RORA: variants seen among roughly 807,000 people sequenced by gnomAD.
The protein encoded by RORA is nuclear receptor ROR-alpha.
In RORA, 7 loss-of-function variants were observed where a neutral mutation model predicts 69.5. The ratio of observed to expected loss-of-function variants is 0.10; its 90% CI spans 0.06 to 0.19. The LOEUF (loss-of-function observed/expected upper bound fraction) is 0.19. Ranked by LOEUF, RORA falls within the 10% of genes least tolerant of loss-of-function variation. RORA has a pLI of 1.00. For missense variants in RORA, 457 were observed against 663.0 expected, an observed-to-expected ratio of 0.69 and a Z score of 3.41; for synonymous variants, 261 against 240.8, an observed-to-expected ratio of 1.08 and a Z score of -0.78.
chr15:61,145,037 C>G (rs776577707), intron 1 of RORA, among the ~76,000 whole-genome samples: 1 of 152,146 alleles, frequency 6.6e-6, no homozygotes, highest in African/African-American at 2.4e-5. Flanking sequence ...GTATACGCCT[C>G]TATCTAAAAG....
chr15:60,800,663 G>A (rs2072566881), intron 1 of RORA, among the ~76,000 whole-genome samples: 1 of 152,104 alleles, frequency 6.6e-6, no homozygotes, highest in Non-Finnish European at 1.5e-5. Context: ...CGAGTGTCCT[G>A]GCTATAGACC....
intron 1 of RORA, among the ~76,000 whole-genome samples, chr15:60,810,168 T>C (rs2072721610): frequency 6.6e-6 from 1 of 152,178 alleles, no homozygotes; most frequent in African/African-American, 2.4e-5. Flanking sequence ...AGCTAACATT[T>C]TGGAGACCAC....
At chr15:60,817,593 G>T (rs2072835707) in intron 1 of RORA, among the ~76,000 whole-genome samples, 1 of 152,176 alleles carries the variant, frequency 6.6e-6, no homozygotes, top group African/African-American at 2.4e-5. Flanking sequence ...TGTTTCTTCA[G>T]TAACACCAGG....
chr15:60,509,642 A>G (rs752777862), intron 5 of RORA, among the ~76,000 whole-genome samples: 14 of 152,206 alleles, frequency 9.2e-5, no homozygotes, highest in Non-Finnish European at 1.8e-4. Context: ...AGGCAAACCT[A>G]AAGTGAGTCA....
At chr15:60,804,840 A>G (rs1465339071) in intron 1 of RORA, among the ~76,000 whole-genome samples, 1 of 152,352 alleles carries the variant, frequency 6.6e-6, no homozygotes, top group Non-Finnish European at 1.5e-5. Context: ...CAACTCTGTG[A>G]TAATAGCTCT....
chr15:61,119,420 A>G (rs1400936116), intron 1 of RORA, among the ~76,000 whole-genome samples: 1 of 142,774 alleles, frequency 7.0e-6, no homozygotes, highest in Non-Finnish European at 1.5e-5. Context: ...CACACTATAT[A>G]TATATATATA....
At chr15:60,971,120 A>ATTTTGG in intron 1 of RORA, among the ~76,000 whole-genome samples, 1 of 152,238 alleles carries the variant, frequency 6.6e-6, no homozygotes, top group East Asian at 1.9e-4. Flanking sequence ...TGAAGAGTCC[A>ATTTTGG]AAATGTCACC....
rs367677174 is a variant in RORA at position 60,522,208 on chromosome 15, A to G, written c.283-7451T>C. On this transcript the variant is annotated intron_variant, in intron 3 of 10. Coordinates refer to ENST00000335670, the MANE Select transcript of RORA (RefSeq NM_134261.3). Reference sequence around the variant, plus strand: ...TTTAATGATTATTTTACTGTTATCAATGTTCTTCAGGTTGTCTACATCAAT... The same window carrying G: ...TTTAATGATTATTTTACTGTTATCAGTGTTCTTCAGGTTGTCTACATCAAT... Among the ~76,000 whole-genome samples, 9 of 152,188 alleles carry G rather than the reference A, an allele frequency of 5.9e-5. No homozygotes were observed. The East Asian group carries it at 1.2e-3, about 20-fold the overall frequency.
At chr15:61,146,145 T>A (rs1978833) in intron 1 of RORA, among the ~76,000 whole-genome samples, 24,791 of 152,134 alleles carry the variant, frequency 0.16, 2,267 homozygotes, top group African/African-American at 0.2. Flanking sequence ...GAATGCATGA[T>A]GGGTTGGTTT....
chr15:60,559,707 A>G (rs1237008348), intron 2 of RORA, among the ~76,000 whole-genome samples: 15 of 152,348 alleles, frequency 9.8e-5, no homozygotes, highest in Admixed American at 8.5e-4. Context: ...GAATAGGACA[A>G]TGACCTTTCT....
At chr15:60,753,521 A>G (rs2071757001) in intron 1 of RORA, among the ~76,000 whole-genome samples, 1 of 152,156 alleles carries the variant, frequency 6.6e-6, no homozygotes, top group Admixed American at 6.5e-5. Flanking sequence ...TCCACCCTTC[A>G]TCCCTTATCA....
chr15:61,214,953 C>T (rs560783296), intron 1 of RORA, among the ~76,000 whole-genome samples: 265 of 149,870 alleles, frequency 1.8e-3, no homozygotes, highest in African/African-American at 6.2e-3. Context: ...TAAGCTCCGC[C>T]TCCTGGGTTC....
chr15:60,750,942 C>T (rs2071715001), intron 1 of RORA, among the ~76,000 whole-genome samples: 1 of 152,128 alleles, frequency 6.6e-6, no homozygotes, highest in Non-Finnish European at 1.5e-5. Context: ...GTTGGATGTC[C>T]CTCTCGTTAC....
intron 1 of RORA, among the ~76,000 whole-genome samples, chr15:60,722,063 C>T (rs1283769595): frequency 6.6e-6 from 1 of 152,242 alleles, no homozygotes; most frequent in East Asian, 1.9e-4. Flanking sequence ...TGAAACTATA[C>T]CAATACCTTT....
At chr15:61,032,963 G>A (rs1402305411) in intron 1 of RORA, among the ~76,000 whole-genome samples, 1 of 152,308 alleles carries the variant, frequency 6.6e-6, no homozygotes, top group South Asian at 2.1e-4. Flanking sequence ...TTTGCCAGGT[G>A]CTTTAAATAC....
chr15:60,842,144 C>T (rs1016230559), intron 1 of RORA, among the ~76,000 whole-genome samples: 13 of 152,144 alleles, frequency 8.5e-5, no homozygotes, highest in African/African-American at 3.1e-4. Flanking sequence ...TTTCCACCCC[C>T]TTCCCTTCTC....
At chr15:61,025,221 A>G (rs944777347) in intron 1 of RORA, among the ~76,000 whole-genome samples, 18 of 152,190 alleles carry the variant, frequency 1.2e-4, no homozygotes, top group African/African-American at 3.9e-4. Context: ...GTACACTGGG[A>G]CATGACTTAA....
chr15:60,650,739 T>A (rs545186619), intron 2 of RORA: 1 of 152,330 alleles, frequency 6.6e-6, no homozygotes, highest in South Asian at 2.1e-4. Context: ...CATGGTTGAA[T>A]TTCCAAGCAA....
At chr15:60,893,935 T>C (rs1411700682) in intron 1 of RORA, among the ~76,000 whole-genome samples, 1 of 152,210 alleles carries the variant, frequency 6.6e-6, no homozygotes, top group Non-Finnish European at 1.5e-5. Context: ...CCCAGACCTC[T>C]CAAGTCCCCC....
Sources: allele counts gnomAD v4.1 joint callset (sites outside exome capture counted in the v4.1 genomes callset), GRCh38; gene constraint gnomAD v4.1.1; transcripts MANE v1.5; gene names NCBI Gene and HGNC (gene_info 2026-07-23, HGNC 2026-07-21).